EPS8L3: variants seen among roughly 807,000 people sequenced by gnomAD.
EPS8L3 encodes epidermal growth factor receptor kinase substrate 8-like protein 3.
A neutral mutation model predicts 88.5 loss-of-function variants in EPS8L3; 80 were observed. The observed-to-expected ratio is 0.90, with a 90% CI of 0.75 to 1.09. EPS8L3 has a LOEUF of 1.09. EPS8L3 is among the 50% of genes least tolerant of loss of function. The probability of loss-of-function intolerance (pLI) is 0.00; values close to 1 mark genes in which losing one functional copy is unlikely to be tolerated. For missense variants in EPS8L3, 721 were observed against 735.2 expected, an observed-to-expected ratio of 0.98 and a Z score of 0.22; for synonymous variants, 286 against 291.0, an observed-to-expected ratio of 0.98 and a Z score of 0.18.
chr1:109,760,402 A>C (rs1458738093), intron 3 of EPS8L3, among the ~76,000 whole-genome samples: 1 of 151,716 alleles, frequency 6.6e-6, no homozygotes, highest in African/African-American at 2.4e-5. Flanking sequence ...CTCCTTTAGG[A>C]GCCCCCTCCC....
rs778204016 is a variant in EPS8L3, at chr1:109,751,655, C to T, written c.1562G>A (p.Arg521Gln). 1.9e-5 allele frequency: 31 copies of T among 1,613,908 alleles called. No homozygotes were observed. The highest frequency in any genetic ancestry group is 6.7e-5 in the East Asian group (3 of 44,876). The change falls in exon 16 of 19, where the codon CGG becomes CAG. Residue 521 changes from arginine to glutamine, a missense_variant and splice_region_variant. Arg to Gln is a conservative substitution (Grantham distance 43). Transcript: ENST00000361965. ...TPGTQGQSPS[R>Q]VPMLRLSSRP... ...TGGATAGTCCAGGCTGGGTAGTACCCGAGAGGGTGACTGGCCCTGGGTCCC... is the reference window on the plus strand; with the variant it reads ...TGGATAGTCCAGGCTGGGTAGTACCTGAGAGGGTGACTGGCCCTGGGTCCC...
Position 109,759,905 on chromosome 1 carries a change from A to G in EPS8L3, c.97-69T>C. On this transcript the variant is annotated intron_variant, in intron 3 of 18. Transcript: ENST00000361965. This position sits in a 1 kb window ranked among gnomAD's most constrained non-coding sequence, Gnocchi z 4.2. ...GAGGTGGACCACAGGCGTGCTGGGT[A>G]GAGAAAAGCAGAAGAGGAAGAAGAC... 1 of 1,522,534 alleles carries G rather than the reference A, an allele frequency of 6.6e-7. No homozygotes were observed. The allele number at this position is 1,522,534 out of a possible 1,614,324, so 94.3% of individuals were successfully genotyped here.
At chr1:109,750,538 A>G in intron 18 of EPS8L3, 122 bp downstream of exon 18, 1 of 1,577,094 alleles carries the variant, frequency 6.3e-7, no homozygotes, top group African/African-American at 1.3e-5. Context: ...TCCTGTGCCC[A>G]GCACCCGCCA....
rs1650683277 is a variant in EPS8L3, at chr1:109,759,513, G to A, written c.256-126C>T. On this transcript the variant is annotated intron_variant, in intron 4 of 18. Coordinates refer to ENST00000361965, the MANE Select transcript of EPS8L3 (RefSeq NM_133181.4). This position sits in a 1 kb window ranked among gnomAD's most constrained non-coding sequence, Gnocchi z 4.2. ...GAGGTGTCATCTACCTGACTCTTGT[G>A]CCTCTGTCCCCAGCCTCTGTCCCCT... The A allele has an allele frequency of 7.3e-6, 11 of 1,510,064 alleles. No homozygotes were observed. The highest frequency in any genetic ancestry group is 2.0e-5 in the Admixed American group (1 of 49,722). The allele number at this position is 1,510,064 out of a possible 1,614,324, so 93.5% of individuals were successfully genotyped here.
intron 1 of EPS8L3, 68 bp downstream of exon 1, chr1:109,763,754 C>T (rs1009001971): frequency 1.3e-5 from 2 of 153,100 alleles, no homozygotes; most frequent in African/African-American, 4.8e-5. Context: ...ACTGAGTTGC[C>T]CCCACCTGCC....
chr1:109,755,641 CA>C (rs927918583), intron 12 of EPS8L3, among the ~76,000 whole-genome samples: 8 of 151,488 alleles, frequency 5.3e-5, no homozygotes, highest in African/African-American at 1.7e-4. Context: ...CCCATCTCTA[CA>C]AAAAAAATAC....
chr1:109,763,778 T>G (rs994763402), intron 1 of EPS8L3, 44 bp downstream of exon 1: 1 of 152,976 alleles, frequency 6.5e-6, no homozygotes, highest in Non-Finnish European at 1.5e-5. Flanking sequence ...AGATCCCCTG[T>G]GACTGGGCTG....
At chr1:109,750,906 A>ATGGAG (rs1196630707) in intron 17 of EPS8L3, 114 bp from the exon 18 acceptor site, 2 of 1,260,896 alleles carry the variant, frequency 1.6e-6, no homozygotes, top group African/African-American at 3.0e-5. Flanking sequence ...AGAAAAATTC[A>ATGGAG]TGGAGTAGGC....
Position 109,751,691 on chromosome 1 carries a change from G to T in EPS8L3, c.1526C>A (p.Pro509Gln), listed in dbSNP as rs868605570. The T allele has an allele frequency of 1.2e-6, 2 of 1,613,788 alleles. No homozygotes were observed. The highest frequency in any genetic ancestry group is 1.7e-6 in the Non-Finnish European group (2 of 1,179,954). Residue 509 changes from proline to glutamine, a missense_variant, in exon 16 of 19, where the codon CCG (proline) becomes CAG (glutamine). Pro to Gln is a moderately conservative substitution (Grantham distance 76, BLOSUM62 -1). Coordinates refer to ENST00000361965, the MANE Select transcript of EPS8L3 (RefSeq NM_133181.4). ...CTGGCCCTGGGTCCCAGGGGTCCCC[G>T]GCTGTAGGGGCTCCAGGATGTTGCT... ...IPSNILEPLQ[P>Q]GTPGTQGQSP...
chr1:109,756,130 C>G (rs532426973), intron 12 of EPS8L3, among the ~76,000 whole-genome samples: 1 of 152,378 alleles, frequency 6.6e-6, no homozygotes, highest in African/African-American at 2.4e-5. Context: ...GGCATCCCCT[C>G]TCAGCTGCCT....
chr1:109,762,290 G>T (rs1030396925), intron 1 of EPS8L3, among the ~76,000 whole-genome samples: 42 of 152,160 alleles, frequency 2.8e-4, no homozygotes, highest in African/African-American at 9.9e-4. Context: ...ATGTGTGTGT[G>T]TACTTATGGT....
At chr1:109,753,311 A>G (rs1649984421) in intron 12 of EPS8L3, 113 bp from the exon 13 acceptor site, 1 of 795,412 alleles carries the variant, frequency 1.3e-6, no homozygotes, top group Admixed American at 2.8e-5. Context: ...TCTTTTGGCT[A>G]ATAGGTGACA....
At chr1:109,750,481 G>C (rs1271011110) in intron 18 of EPS8L3, 79 bp from the exon 19 acceptor site, 2 of 1,596,138 alleles carry the variant, frequency 1.3e-6, no homozygotes, top group Middle Eastern at 1.7e-4. Flanking sequence ...TAAGCTTGGA[G>C]CCTCAAGGTA....
At chr1:109,750,458 C>G (rs1029635483) in intron 18 of EPS8L3, 56 bp from the exon 19 acceptor site, 5 of 1,608,332 alleles carry the variant, frequency 3.1e-6, no homozygotes, top group Non-Finnish European at 4.2e-6. Context: ...ATCTGCAGAG[C>G]TTATGCCACC....
intron 12 of EPS8L3, among the ~76,000 whole-genome samples, chr1:109,754,635 C>G (rs1650117420): frequency 6.6e-6 from 1 of 152,172 alleles, no homozygotes. Context: ...TCTAAGGACT[C>G]AAATTGTAGA....
rs562801193 is a variant in EPS8L3, at chr1:109,751,490, G to A, written c.1564-139C>T. Reference sequence around the variant, plus strand: ...GGCTTTCTGGTCTGGCAGGGAGCTGGTCTTGTTCTCTGCTCTGGCCCCATG... The same window carrying A: ...GGCTTTCTGGTCTGGCAGGGAGCTGATCTTGTTCTCTGCTCTGGCCCCATG... On this transcript the variant is annotated intron_variant, in intron 16 of 18. Coordinates refer to ENST00000361965, the MANE Select transcript of EPS8L3 (RefSeq NM_133181.4). 1.5e-5 allele frequency: 21 copies of A among 1,361,500 alleles called. No individual in the cohort carries two copies. The African/African-American group carries it at 2.6e-4, about 17-fold the overall frequency. The allele number at this position is 1,361,500 out of a possible 1,614,324, so 84.3% of individuals were successfully genotyped here.
intron 11 of EPS8L3, 98 bp downstream of exon 11, chr1:109,757,383 C>T: frequency 7.8e-7 from 1 of 1,281,056 alleles, no homozygotes; most frequent in Non-Finnish European, 1.1e-6. Context: ...CACCCTGGCC[C>T]CTGCTCCCCC....
chr1:109,750,317 G>A lies in EPS8L3; in HGVS notation c.*74C>T, dbSNP rs956358977. 2.7e-5 allele frequency: 41 copies of A among 1,542,202 alleles called. No homozygotes were observed. Among genetic ancestry groups the A allele is most frequent in the Admixed American group, 8.8e-5 (5 of 56,804 alleles). ...ACTGGGATCCAGAAGAGGAATTCTC[G>A]GGGCTCTAATGGGTATCAGATCTGC... On this transcript the variant is annotated 3_prime_UTR_variant, in exon 19 of 19. Coordinates refer to ENST00000361965, the MANE Select transcript of EPS8L3 (RefSeq NM_133181.4).
rs1005196423 is a variant in EPS8L3, at chr1:109,760,861, C to T, written c.96+634G>A. On this transcript the variant is annotated intron_variant, in intron 3 of 18. Transcript: ENST00000361965. The stretch of plus-strand genomic sequence containing the variant: ...GACCCTCTGCCTGCTCTCCCCACCA[C>T]GCCCTTGTAGCCTGTGCTTCGCCTT... Among the ~76,000 whole-genome samples the T allele has an allele frequency of 5.3e-5, 8 of 152,260 alleles. No homozygotes were observed. In the South Asian group the frequency reaches 6.2e-4, roughly 12 times the overall value.
Sources: gnomAD v4.1 joint callset for allele counts (sites outside exome capture counted in the v4.1 genomes callset) on GRCh38, gnomAD v4.1.1 for gene constraint, Gnocchi (gnomAD v3.1) non-coding constraint, MANE v1.5 for transcripts, NCBI Gene and HGNC (gene_info 2026-07-23, HGNC 2026-07-21) for gene names.